AKR1C4: variants seen among roughly 807,000 people sequenced by gnomAD.
The protein encoded by AKR1C4 is aldo-keto reductase family 1 member C4.
AKR1C4 carries 44 observed loss-of-function variants against 41.0 expected under a neutral mutation model. That is an observed-to-expected ratio of 1.07 (90% CI 0.84 to 1.38). The LOEUF (loss-of-function observed/expected upper bound fraction) is 1.38. AKR1C4 is among the 40% of genes most tolerant of loss of function. AKR1C4 has a pLI of 0.00. For synonymous variants in AKR1C4, 165 were observed against 137.7 expected (o/e 1.20, Z -1.39); for missense variants, 438 against 387.9 (o/e 1.13, Z -1.09).
chr10:5,208,490 C>T (rs1931679), intron 5 of AKR1C4, among the ~76,000 whole-genome samples: 10,974 of 151,642 alleles, frequency 0.072, 534 homozygotes, highest in Admixed American at 0.13. Flanking sequence ...ATTGTTGACA[C>T]TTTGCCAACC....
intron 8 of AKR1C4, 22 bp from the exon 9 acceptor site, chr10:5,218,696 G>A (rs782694254): frequency 3.9e-6 from 6 of 1,558,332 alleles, no homozygotes; most frequent in Non-Finnish European, 1.8e-6. Context: ...CCATATTTAT[G>A]TACTATCCTT....
chr10:5,203,873 T>C (rs561682192), intron 2 of AKR1C4, among the ~76,000 whole-genome samples: 12 of 152,214 alleles, frequency 7.9e-5, no homozygotes, highest in African/African-American at 2.9e-4. Context: ...CTTTCTTCAA[T>C]ATCTTATTCT....
intron 7 of AKR1C4, among the ~76,000 whole-genome samples, chr10:5,215,398 T>C (rs987631352): frequency 1.3e-4 from 20 of 152,194 alleles, no homozygotes; most frequent in Non-Finnish European, 1.5e-5. Flanking sequence ...AAATACTTGA[T>C]GCTGGGCAAT....
At chr10:5,205,856 T>G in intron 4 of AKR1C4, 22 bp downstream of exon 4, 2 of 1,601,836 alleles carry the variant, frequency 1.2e-6, no homozygotes, top group Non-Finnish European at 1.7e-6. Flanking sequence ...GAGGACAGAG[T>G]ACAGAAAAGG....
At chr10:5,206,734 A>G (rs1832494075) in intron 5 of AKR1C4, among the ~76,000 whole-genome samples, 1 of 123,298 alleles carries the variant, frequency 8.1e-6, no homozygotes, top group Non-Finnish European at 1.7e-5. Context: ...ATTGGTAAAG[A>G]TGATTTGGAG....
intron 5 of AKR1C4, among the ~76,000 whole-genome samples, chr10:5,209,648 A>G (rs1359314355): frequency 6.6e-6 from 1 of 152,214 alleles, no homozygotes; most frequent in Non-Finnish European, 1.5e-5. Context: ...CACATCTTAC[A>G]TAGATGATGG....
Position 5,204,508 on chromosome 10 carries a change from A to AG in AKR1C4, c.369+16dup, listed in dbSNP as rs781832786. 12 of 1,539,548 alleles carry AG rather than the reference A, an allele frequency of 7.8e-6. No individual in the cohort carries two copies. The African/African-American group carries it at 1.2e-4, about 16-fold the overall frequency. On this transcript the variant is annotated intron_variant, in intron 3 of 8. Coordinates refer to ENST00000263126, the MANE Select transcript of AKR1C4 (RefSeq NM_001818.5). ...TGGCTCTCAAGGTAGGGAATTTGTG[A>AG]GATCAACTTCTCTTCTGTTCTCAGC...
chr10:5,208,025 G>A (rs1832516189), intron 5 of AKR1C4, among the ~76,000 whole-genome samples: 1 of 146,910 alleles, frequency 6.8e-6, no homozygotes, highest in South Asian at 2.1e-4. Flanking sequence ...CACAATTGTG[G>A]AAATTTGATG....
intron 7 of AKR1C4, among the ~76,000 whole-genome samples, chr10:5,215,458 AAGCAT>A (rs1194888997): frequency 1.3e-5 from 2 of 152,240 alleles, no homozygotes; most frequent in East Asian, 1.9e-4. Flanking sequence ...GCTGTACAAA[AAGCAT>A]AGCACCAGCA....
At chr10:5,218,585 C>CAT (rs141745211) in intron 8 of AKR1C4, 133 bp from the exon 9 acceptor site, 60,848 of 583,550 alleles carry the variant, frequency 0.1, 3,846 homozygotes, top group Admixed American at 0.16. Flanking sequence ...TCATGAAAGA[C>CAT]ATTCTACAAA....
At position 5,200,140 on chromosome 10, in the gene AKR1C4, G is replaced by A. The variant is rs202040767; in HGVS notation, c.85-41G>A. The A allele has an allele frequency of 4.4e-6, 7 of 1,587,230 alleles. No homozygotes were observed. In the East Asian group the frequency reaches 1.6e-4, roughly 36 times the overall value. On this transcript the variant is annotated intron_variant, in intron 1 of 8. Transcript: ENST00000263126. ...CTTTTCCTGTTTCACTACCTCTCAA[G>A]CACATTGATCACCAAATACTACCTT... is the stretch of plus-strand genomic sequence containing the variant.
chr10:5,216,006 A>C (rs1398811438), intron 7 of AKR1C4, among the ~76,000 whole-genome samples: 1 of 152,212 alleles, frequency 6.6e-6, no homozygotes, highest in Non-Finnish European at 1.5e-5. Flanking sequence ...GAGGCCAGAT[A>C]AAATATGCCG....
rs1554798093 is a variant in AKR1C4, at chr10:5,212,890, C to T, written c.681-104C>T. 4 of 1,480,564 alleles carry T rather than the reference C, an allele frequency of 2.7e-6. No individual in the cohort carries two copies. In the African/African-American group the frequency reaches 5.6e-5, roughly 21 times the overall value. The allele number at this position is 1,480,564 out of a possible 1,614,324, so 91.7% of individuals were successfully genotyped here. ...ATGCTGCTGCTGTTCAGGGACCTCACTTGAGAGGCTCTGGTGCAGAATGAA... is the reference window on the plus strand; with the variant it reads ...ATGCTGCTGCTGTTCAGGGACCTCATTTGAGAGGCTCTGGTGCAGAATGAA... On this transcript the variant is annotated intron_variant, in intron 6 of 8. Transcript: ENST00000263126.
chr10:5,216,006 A>G (rs1398811438), intron 7 of AKR1C4, among the ~76,000 whole-genome samples: 1 of 152,212 alleles, frequency 6.6e-6, no homozygotes, highest in East Asian at 1.9e-4. Context: ...GAGGCCAGAT[A>G]AAATATGCCG....
Position 5,205,948 on chromosome 10 carries a change from C to T in AKR1C4, c.447+114C>T, listed in dbSNP as rs34463109. 2.1e-3 allele frequency: 2,423 copies of T among 1,164,628 alleles called. 36 individuals are homozygous for T. In the African/African-American group the frequency reaches 0.032, roughly 16 times the overall value. 72.1% of individuals were successfully genotyped at this position (1,164,628 alleles called of 1,614,324 possible). A position where few individuals can be genotyped will look rare whatever the true frequency, so the allele number is the denominator to read the frequency against. On this transcript the variant is annotated intron_variant, in intron 4 of 8. Transcript: ENST00000263126. ...ACCATTGGAACTAGAAATTAAGGAG[C>T]TTGACAAAGGAAGTTTTGCTGAGTG...
intron 8 of AKR1C4, 76 bp from the exon 9 acceptor site, chr10:5,218,642 T>C: frequency 8.3e-7 from 1 of 1,209,532 alleles, no homozygotes; most frequent in Admixed American, 1.8e-5. Context: ...GGCAGCTTCA[T>C]ATAAATTCAC....
In AKR1C4 at chr10:5,216,713, T is replaced by C. The variant is rs1554798544; in HGVS notation, c.849T>C (p.Val283=). Residue 283 remains valine (V), a splice_region_variant and synonymous_variant, in exon 8 of 9, where the codon GTT becomes GTC. Coordinates refer to ENST00000263126, the MANE Select transcript of AKR1C4 (RefSeq NM_001818.5). The part of the protein sequence containing the change: ...NEQRIRENIQ[V]FEFQLTSEDM... Reference sequence around the variant, plus strand: ...AACATTTTCTACTTCTTTGGTAGGTTTTTGAATTCCAGTTGACATCAGAGG... The same window carrying C: ...AACATTTTCTACTTCTTTGGTAGGTCTTTGAATTCCAGTTGACATCAGAGG... 1 of 1,608,652 alleles carries C rather than the reference T, an allele frequency of 6.2e-7. No homozygotes were observed. Among genetic ancestry groups the C allele is most frequent in the Non-Finnish European group, 8.5e-7 (1 of 1,176,436 alleles).
At chr10:5,213,261 G>C in intron 7 of AKR1C4, 102 bp downstream of exon 7, 1 of 1,517,684 alleles carries the variant, frequency 6.6e-7, no homozygotes, top group Non-Finnish European at 8.9e-7. Context: ...CACTTCCTGG[G>C]CATTTCCTAT....
intron 8 of AKR1C4, among the ~76,000 whole-genome samples, 195 bp from the exon 9 acceptor site, chr10:5,218,523 T>A (rs1832687001): frequency 7.4e-6 from 1 of 134,842 alleles, no homozygotes; most frequent in Non-Finnish European, 1.6e-5. Flanking sequence ...GGAATATAAG[T>A]TGAAAATTTT....
Sources: gnomAD v4.1 joint callset for allele counts (sites outside exome capture counted in the v4.1 genomes callset) on GRCh38, gnomAD v4.1.1 for gene constraint, MANE v1.5 for transcripts, NCBI Gene and HGNC (gene_info 2026-07-23, HGNC 2026-07-21) for gene names.